The following ELP4 variants were observed in gnomAD, a reference collection of about 807,000 sequenced individuals.
ELP4 encodes elongator acetyltransferase complex subunit 4.
A neutral mutation model predicts 48.9 loss-of-function variants in ELP4; 51 were observed. The observed-to-expected ratio is 1.04, with a 90% confidence interval of 0.83 to 1.32. ELP4 has a LOEUF of 1.32. Ranked by LOEUF, ELP4 falls within the 40% of genes most tolerant of loss-of-function variation. The pLI is 0.00. For synonymous variants in ELP4, 210 were observed against 189.2 expected (o/e 1.11, Z -0.90); for missense variants, 519 against 514.6 (o/e 1.01, Z -0.08).
intron 9 of ELP4, among the ~76,000 whole-genome samples, chr11:31,734,972 C>T (rs1402100376): frequency 1.3e-5 from 2 of 152,040 alleles, no homozygotes; most frequent in Non-Finnish European, 2.9e-5. Flanking sequence ...TACAAAGCTA[C>T]AGTAATCAAA....
rs527818569 is a variant in ELP4, at chr11:31,696,934, C to T, written c.1143+46713C>T. On this transcript the variant is annotated intron_variant, in intron 9 of 9. Transcript: ENST00000640961. ...GAGACTCATCTCACGTGCAGAGACA[C>T]ACATAGGCTCAAAATAAAGGGATGG... 5.3e-5 allele frequency among the ~76,000 whole-genome samples: 8 copies of T among 152,132 alleles called. 2 individuals carry two copies. In the South Asian group the frequency reaches 1.7e-3, roughly 32 times the overall value.
At chr11:31,753,667 A>C (rs934518630) in intron 9 of ELP4, among the ~76,000 whole-genome samples, 1 of 152,230 alleles carries the variant, frequency 6.6e-6, no homozygotes, top group Admixed American at 6.5e-5. Context: ...GCACATAAAT[A>C]AGAAGAAAAG....
intron 3 of ELP4, among the ~76,000 whole-genome samples, chr11:31,588,312 G>T (rs1429345791): frequency 6.6e-6 from 1 of 152,088 alleles, no homozygotes; most frequent in Non-Finnish European, 1.5e-5. Flanking sequence ...TTATTCAGGA[G>T]TAGTTGGTAG....
chr11:31,582,781 T>G (rs1592136990), intron 3 of ELP4, among the ~76,000 whole-genome samples: 2 of 152,242 alleles, frequency 1.3e-5, no homozygotes, highest in East Asian at 3.9e-4. Flanking sequence ...CTCTTAATTT[T>G]GCTGGTTTTT....
rs551358743 is a variant in ELP4, at chr11:31,546,676, A to G, written c.381+6893A>G. Among the ~76,000 whole-genome samples, 649 of 152,250 alleles carry G rather than the reference A, an allele frequency of 4.3e-3. 5 individuals are homozygous for G. Among genetic ancestry groups the G allele is most frequent in the African/African-American group, 0.015 (612 of 41,556 alleles). On this transcript the variant is annotated intron_variant, in intron 3 of 9. Transcript: ENST00000640961. Reference sequence around the variant, plus strand: ...GAACTCTCCACCCCAAATCAACAGAATATACATTTTTTTCAGCACCACACC... The same window carrying G: ...GAACTCTCCACCCCAAATCAACAGAGTATACATTTTTTTCAGCACCACACC...
chr11:31,781,487 C>CATT (rs1245326505), intron 9 of ELP4, among the ~76,000 whole-genome samples: 1 of 126,916 alleles, frequency 7.9e-6, no homozygotes, highest in Non-Finnish European at 1.6e-5. Flanking sequence ...GATTCCTGAG[C>CATT]CTTTTTTTTT....
At chr11:31,734,457 A>G (rs7927892) in intron 9 of ELP4, among the ~76,000 whole-genome samples, 49,652 of 152,032 alleles carry the variant, frequency 0.33, 9,309 homozygotes, top group African/African-American at 0.52. Flanking sequence ...TATGTAGAAA[A>G]CCCTAAAGAT....
intron 1 of ELP4, among the ~76,000 whole-genome samples, chr11:31,515,754 C>A (rs943109358): frequency 2.0e-5 from 3 of 152,158 alleles, no homozygotes; most frequent in Non-Finnish European, 2.9e-5. Flanking sequence ...TTGGTAATCA[C>A]TTCATGTAAT....
intron 9 of ELP4, among the ~76,000 whole-genome samples, chr11:31,738,898 A>G (rs1947384059): frequency 6.6e-6 from 1 of 152,220 alleles, no homozygotes; most frequent in Non-Finnish European, 1.5e-5. Flanking sequence ...AAAATAAAAT[A>G]GTGGTAGCCA....
chr11:31,605,857 T>C, intron 5 of ELP4, among the ~76,000 whole-genome samples: 1 of 152,102 alleles, frequency 6.6e-6, no homozygotes, highest in East Asian at 1.9e-4. Context: ...AGGTTAGAGT[T>C]GCTAAGTAAC....
chr11:31,621,270 A>G (rs996805046), intron 5 of ELP4, among the ~76,000 whole-genome samples: 8 of 151,938 alleles, frequency 5.3e-5, no homozygotes, highest in Non-Finnish European at 4.4e-5. Context: ...AAAATGCTTC[A>G]TCTTCACTTT....
chr11:31,681,048 A>G (rs970805813), intron 9 of ELP4, among the ~76,000 whole-genome samples: 5 of 152,208 alleles, frequency 3.3e-5, no homozygotes, highest in Non-Finnish European at 7.4e-5. Flanking sequence ...AAATGTCAGT[A>G]TATCCTGACT....
chr11:31,690,815 T>C (rs1486318821), intron 9 of ELP4, among the ~76,000 whole-genome samples: 1 of 149,902 alleles, frequency 6.7e-6, no homozygotes, highest in Non-Finnish European at 1.5e-5. Flanking sequence ...TTTTTTTTTT[T>C]GCCGCAGAAA....
chr11:31,545,738 G>A (rs1956695114), intron 3 of ELP4, among the ~76,000 whole-genome samples: 2 of 152,094 alleles, frequency 1.3e-5, no homozygotes, highest in African/African-American at 2.4e-5. Flanking sequence ...CAGAGAGAAA[G>A]GTCGGGTTAC....
intron 9 of ELP4, among the ~76,000 whole-genome samples, chr11:31,684,475 G>A (rs956826072): frequency 4.6e-5 from 7 of 152,078 alleles, no homozygotes; most frequent in African/African-American, 1.7e-4. Flanking sequence ...CCAAAGTGCT[G>A]GGATTAAAGG....
chr11:31,523,059 G>A (rs894903097), intron 2 of ELP4, among the ~76,000 whole-genome samples: 1 of 150,192 alleles, frequency 6.7e-6, no homozygotes, highest in Admixed American at 6.7e-5. Flanking sequence ...TTTTGGTAGA[G>A]ATAGGGCCTT....
chr11:31,730,516 G>A (rs117635683), intron 9 of ELP4, among the ~76,000 whole-genome samples: 3,354 of 152,240 alleles, frequency 0.022, 48 homozygotes, highest in Middle Eastern at 0.058. Flanking sequence ...TCAGCTCCAA[G>A]CTTCTCCATG....
intron 9 of ELP4, among the ~76,000 whole-genome samples, chr11:31,685,429 C>T (rs1204679672): frequency 3.9e-5 from 6 of 151,938 alleles, no homozygotes; most frequent in Admixed American, 1.3e-4. Context: ...TTTACCCAAC[C>T]TGTGCATTTT....
rs151272640 is a variant in ELP4, at chr11:31,616,228, G to A, written c.654-10882G>A. On this transcript the variant is annotated intron_variant, in intron 5 of 9. Transcript: ENST00000640961. Reference sequence around the variant, plus strand: ...CATTGTGGTATAAAGTAAAAATTGCGTATAAGGACAGATACACAAACCAAT... The same window carrying A: ...CATTGTGGTATAAAGTAAAAATTGCATATAAGGACAGATACACAAACCAAT... Among the ~76,000 whole-genome samples the A allele has an allele frequency of 7.9e-5, 12 of 152,062 alleles. No homozygotes were observed. In the South Asian group the frequency reaches 8.3e-4, roughly 11 times the overall value.
Sources: gnomAD v4.1 joint callset for allele counts (sites outside exome capture counted in the v4.1 genomes callset) on GRCh38, gnomAD v4.1.1 for gene constraint, MANE v1.5 for transcripts, NCBI Gene and HGNC (gene_info 2026-07-23, HGNC 2026-07-21) for gene names.